The following GALNTL6 variants were observed in gnomAD, a reference collection of about 807,000 sequenced individuals.
GALNTL6 encodes the protein polypeptide N-acetylgalactosaminyltransferase like 6.
Under a neutral mutation model 73.7 loss-of-function variants are expected in GALNTL6, and 46 were observed. That is an observed-to-expected ratio of 0.62 (90% CI 0.49 to 0.80). The LOEUF (loss-of-function observed/expected upper bound fraction) is 0.80. Ranked by LOEUF, GALNTL6 falls within the 30% of genes least tolerant of loss-of-function variation. The pLI is 0.00. For synonymous variants in GALNTL6, 259 were observed against 263.7 expected (o/e 0.98, Z 0.17); for missense variants, 604 against 755.0 (o/e 0.80, Z 2.34).
intron 5 of GALNTL6, among the ~76,000 whole-genome samples, chr4:172,367,398 G>A (rs1219244901): frequency 6.6e-6 from 1 of 152,142 alleles, no homozygotes; most frequent in Non-Finnish European, 1.5e-5. Context: ...GAAGTTGCAT[G>A]GCTCAGGCAT....
At chr4:172,475,986 G>A (rs1370310369) in intron 5 of GALNTL6, among the ~76,000 whole-genome samples, 1 of 152,136 alleles carries the variant, frequency 6.6e-6, no homozygotes, top group Non-Finnish European at 1.5e-5. Flanking sequence ...TTTTTTTAGT[G>A]AATTAAAGAT....
At chr4:172,654,210 G>A (rs1402248864) in intron 5 of GALNTL6, among the ~76,000 whole-genome samples, 6 of 152,138 alleles carry the variant, frequency 3.9e-5, no homozygotes, top group Non-Finnish European at 7.3e-5. Flanking sequence ...TTTTAAAAGC[G>A]GGAGCTCAGA....
intron 10 of GALNTL6, among the ~76,000 whole-genome samples, chr4:173,007,341 C>T (rs1398958863): frequency 6.6e-6 from 1 of 152,106 alleles, no homozygotes; most frequent in Non-Finnish European, 1.5e-5. Flanking sequence ...CTTATAAGGA[C>T]CTGAAGGTAT....
chr4:172,931,118 G>T (rs1362078870), intron 8 of GALNTL6, 43 bp from the exon 9 acceptor site: 1 of 1,048,022 alleles, frequency 9.5e-7, no homozygotes. Context: ...CCTTTCTTGT[G>T]TGAAATTCAC....
intron 9 of GALNTL6, among the ~76,000 whole-genome samples, chr4:172,939,336 T>C (rs1748796661): frequency 6.6e-6 from 1 of 152,118 alleles, no homozygotes; most frequent in Non-Finnish European, 1.5e-5. Flanking sequence ...CACCCTCTAC[T>C]TAGAAGGAGC....
intron 2 of GALNTL6, among the ~76,000 whole-genome samples, chr4:171,979,199 C>T (rs1739815251): frequency 6.6e-6 from 1 of 152,172 alleles, no homozygotes; most frequent in Admixed American, 6.5e-5. Context: ...GCACGGCCAT[C>T]CACACAAAGG....
intron 5 of GALNTL6, among the ~76,000 whole-genome samples, chr4:172,475,461 G>A (rs1028293322): frequency 1.3e-5 from 2 of 151,554 alleles, no homozygotes; most frequent in African/African-American, 4.8e-5. Flanking sequence ...ATTCCAATTT[G>A]AGTGGACAGG....
At chr4:172,438,624 A>G (rs1045719202) in intron 5 of GALNTL6, among the ~76,000 whole-genome samples, 1 of 151,952 alleles carries the variant, frequency 6.6e-6, no homozygotes. Context: ...CTTTTTGCTT[A>G]CTCTGTACCT....
intron 5 of GALNTL6, among the ~76,000 whole-genome samples, chr4:172,572,459 A>G (rs1349355897): frequency 6.6e-6 from 1 of 152,216 alleles, no homozygotes; most frequent in Non-Finnish European, 1.5e-5. Context: ...GTAGGTTAAT[A>G]TATCAGACAC....
chr4:173,021,900 G>A (rs1753006066), intron 12 of GALNTL6, among the ~76,000 whole-genome samples: 1 of 151,968 alleles, frequency 6.6e-6, no homozygotes, highest in South Asian at 2.1e-4. Flanking sequence ...GGCTGAGGCA[G>A]GAGAATCACT....
At chr4:172,868,854 T>C (rs1744787850) in intron 7 of GALNTL6, among the ~76,000 whole-genome samples, 1 of 152,194 alleles carries the variant, frequency 6.6e-6, no homozygotes, top group African/African-American at 2.4e-5. Flanking sequence ...CCTTTTCACT[T>C]TTCTTTCCTA....
chr4:172,032,572 C>T (rs1741801614), intron 2 of GALNTL6, among the ~76,000 whole-genome samples: 1 of 151,940 alleles, frequency 6.6e-6, no homozygotes, highest in African/African-American at 2.4e-5. Flanking sequence ...TGTATAAACA[C>T]ACCCCAAAAC....
intron 7 of GALNTL6, among the ~76,000 whole-genome samples, chr4:172,850,327 A>G (rs1314315316): frequency 6.6e-6 from 1 of 152,206 alleles, no homozygotes; most frequent in Non-Finnish European, 1.5e-5. Context: ...GTTAGACTCA[A>G]GTTAAAAGAG....
intron 2 of GALNTL6, among the ~76,000 whole-genome samples, chr4:172,208,314 C>T (rs1163375940): frequency 1.3e-5 from 2 of 151,958 alleles, no homozygotes; most frequent in African/African-American, 4.8e-5. Flanking sequence ...TGAAGTCAGA[C>T]AATTATATAG....
chr4:172,499,717 A>G (rs1021744817), intron 5 of GALNTL6, among the ~76,000 whole-genome samples: 5 of 152,220 alleles, frequency 3.3e-5, no homozygotes, highest in Non-Finnish European at 5.9e-5. Flanking sequence ...TCATGCAACA[A>G]ATGAAAATAC....
intron 5 of GALNTL6, among the ~76,000 whole-genome samples, chr4:172,746,225 T>C (rs937369367): frequency 6.6e-6 from 1 of 152,066 alleles, no homozygotes; most frequent in Non-Finnish European, 1.5e-5. Context: ...TTCTGTAAAA[T>C]GAGGATAATA....
intron 5 of GALNTL6, among the ~76,000 whole-genome samples, chr4:172,597,768 G>A (rs186491609): frequency 6.6e-6 from 1 of 152,208 alleles, no homozygotes; most frequent in Non-Finnish European, 1.5e-5. Flanking sequence ...GAAAATACTG[G>A]CAACATCAAT....
chr4:172,114,677 G>A (rs974931709), intron 2 of GALNTL6, among the ~76,000 whole-genome samples: 1 of 152,074 alleles, frequency 6.6e-6, no homozygotes, highest in African/African-American at 2.4e-5. Context: ...AATGGTAATT[G>A]TTTTTAAAAG....
Position 171,853,963 on chromosome 4 carries a change from A to G in GALNTL6, c.138+39245A>G, listed in dbSNP as rs62326281. On this transcript the variant is annotated intron_variant, in intron 2 of 12. Coordinates refer to ENST00000506823, the MANE Select transcript of GALNTL6 (RefSeq NM_001034845.3). ...CTTTCTTTTCATTTTTCCCTTTCAC[A>G]TAGAGGCCTTACATGCAGCACTGGA... 1.4e-3 allele frequency among the ~76,000 whole-genome samples: 218 copies of G among 152,124 alleles called. 3 individuals carry two copies. The highest frequency in any genetic ancestry group is 3.4e-3 in the Middle Eastern group (1 of 294).
Sources: allele counts gnomAD v4.1 joint callset (sites outside exome capture counted in the v4.1 genomes callset), GRCh38; gene constraint gnomAD v4.1.1; transcripts MANE v1.5; gene names NCBI Gene and HGNC (gene_info 2026-07-23, HGNC 2026-07-21).